PCNX2: variants seen among roughly 807,000 people sequenced by gnomAD.
The protein encoded by PCNX2 is pecanex 2, also known as pecanex-like protein 2.
A neutral mutation model predicts 223.8 loss-of-function variants in PCNX2; 168 were observed. That is an observed-to-expected ratio of 0.75 (90% CI 0.66 to 0.85). The LOEUF (loss-of-function observed/expected upper bound fraction) is 0.85. Ranked by LOEUF, PCNX2 falls within the 40% of genes least tolerant of loss-of-function variation. PCNX2 has a pLI of 0.00. For synonymous variants in PCNX2, 1,006 were observed against 1,052.6 expected (o/e 0.96, Z 0.86); for missense variants, 2,507 against 2,675.5 (o/e 0.94, Z 1.39).
chr1:233,296,831 G>A (rs1454386046), upstream of PCNX2, among the ~76,000 whole-genome samples: 1 of 152,182 alleles, frequency 6.6e-6, no homozygotes, highest in Non-Finnish European at 1.5e-5. Context: ...CCCAGTAAAG[G>A]CACACCAGCC....
Position 232,990,572 on chromosome 1 carries a change from T to C in PCNX2, c.5792-4032A>G, listed in dbSNP as rs1371633623. On this transcript the variant is annotated intron_variant, in intron 32 of 33. Transcript: ENST00000258229. The surrounding 1 kb of genome is among the most constrained non-coding windows in gnomAD (Gnocchi z 4.3). ...CCCTCGCCCTCTAGGGAAGCTGTAG[T>C]GTAAGTGGCTGAGGCCAGGAGGGGT... is the stretch of plus-strand genomic sequence containing the variant. Among the ~76,000 whole-genome samples the C allele has an allele frequency of 6.6e-6, 1 of 152,102 alleles. No individual in the cohort carries two copies. Among genetic ancestry groups the C allele is most frequent in the African/African-American group, 2.4e-5 (1 of 41,416 alleles).
At chr1:233,189,612 TTAA>T (rs1680304811) in intron 15 of PCNX2, among the ~76,000 whole-genome samples, 1 of 152,142 alleles carries the variant, frequency 6.6e-6, no homozygotes, top group Non-Finnish European at 1.5e-5. Flanking sequence ...CAATTAGATT[TTAA>T]ACCCTGAGTG....
chr1:232,984,671 C>T (rs1270465303), intron 33 of PCNX2, 194 bp from the exon 34 acceptor site: 1 of 563,348 alleles, frequency 1.8e-6, no homozygotes, highest in Non-Finnish European at 3.0e-6. Flanking sequence ...GCAACTGAAG[C>T]AGCATCTGAG....
intron 21 of PCNX2, among the ~76,000 whole-genome samples, chr1:233,112,268 C>A (rs1675158777): frequency 6.6e-6 from 1 of 152,178 alleles, no homozygotes; most frequent in Non-Finnish European, 1.5e-5. Context: ...ATGCCTACAG[C>A]CAGCACAGGA....
chr1:232,988,138 G>A (rs141799160), intron 32 of PCNX2, among the ~76,000 whole-genome samples: 337 of 152,362 alleles, frequency 2.2e-3, no homozygotes, highest in African/African-American at 7.9e-3. Context: ...TAAGGAGGGC[G>A]ATTTGTTAGT....
At chr1:233,136,965 G>C (rs769320637) in intron 20 of PCNX2, among the ~76,000 whole-genome samples, 3 of 152,138 alleles carry the variant, frequency 2.0e-5, no homozygotes, top group Non-Finnish European at 2.9e-5. Context: ...TTTATGTTTA[G>C]TAGGGATGAC....
intron 13 of PCNX2, 70 bp from the exon 14 acceptor site, chr1:233,200,334 T>C (rs546917145): frequency 2.8e-6 from 3 of 1,053,460 alleles, no homozygotes; most frequent in East Asian, 2.9e-5. Flanking sequence ...GCTGCAGTGC[T>C]GTCTCTCTCC....
chr1:233,029,848 T>A (rs1302736374), intron 25 of PCNX2, among the ~76,000 whole-genome samples: 1 of 152,216 alleles, frequency 6.6e-6, no homozygotes, highest in Non-Finnish European at 1.5e-5. Context: ...CGATTACAAA[T>A]CTCACATGTG....
intron 8 of PCNX2, among the ~76,000 whole-genome samples, chr1:233,242,368 T>G (rs147393178): frequency 2.9e-4 from 44 of 152,298 alleles, no homozygotes; most frequent in African/African-American, 8.7e-4. Context: ...GCAAACAAAT[T>G]TGCTACAGAA....
intron 28 of PCNX2, among the ~76,000 whole-genome samples, chr1:233,005,021 AG>A (rs558448352): frequency 9.0e-4 from 137 of 152,338 alleles, no homozygotes; most frequent in African/African-American, 3.3e-3. Flanking sequence ...GTCAGGCTGC[AG>A]GTAGGCTGAT....
At chr1:233,033,307 G>C (rs1671334055) in intron 25 of PCNX2, 1 of 627,126 alleles carries the variant, frequency 1.6e-6, no homozygotes, top group Non-Finnish European at 2.0e-6. Flanking sequence ...AGCAAATGAA[G>C]AAATTTAAGT....
At chr1:233,094,045 T>C (rs1470626332) in intron 22 of PCNX2, among the ~76,000 whole-genome samples, 1 of 152,168 alleles carries the variant, frequency 6.6e-6, no homozygotes, top group African/African-American at 2.4e-5. Context: ...AAATTATGGT[T>C]CCCACAACAG....
At chr1:233,137,311 TGA>T (rs1238920454) in intron 20 of PCNX2, among the ~76,000 whole-genome samples, 3 of 151,260 alleles carry the variant, frequency 2.0e-5, no homozygotes, top group Non-Finnish European at 4.4e-5. Context: ...AGTGTGGGTG[TGA>T]GTGTGTTCTG....
At chr1:233,069,354 T>C (rs1672750542) in intron 23 of PCNX2, among the ~76,000 whole-genome samples, 1 of 152,052 alleles carries the variant, frequency 6.6e-6, no homozygotes, top group African/African-American at 2.4e-5. Context: ...CTATCAACCA[T>C]CATTACCTAT....
chr1:233,242,038 G>T (rs941563698), intron 8 of PCNX2, among the ~76,000 whole-genome samples: 3 of 152,138 alleles, frequency 2.0e-5, no homozygotes, highest in Non-Finnish European at 4.4e-5. Flanking sequence ...AAGAGGTTTT[G>T]TTGAGATAAG....
At chr1:233,016,073 G>T (rs567526829) in intron 27 of PCNX2, among the ~76,000 whole-genome samples, 1 of 152,196 alleles carries the variant, frequency 6.6e-6, no homozygotes, top group Non-Finnish European at 1.5e-5. Flanking sequence ...GCTGAAAGAG[G>T]CCTGGCATGA....
chr1:232,990,697 C>T lies in PCNX2; in HGVS notation c.5792-4157G>A, dbSNP rs771066029. Among the ~76,000 whole-genome samples, 7 of 152,182 alleles carry T rather than the reference C, an allele frequency of 4.6e-5. No homozygotes were observed. The highest frequency in any genetic ancestry group is 9.7e-5 in the African/African-American group (4 of 41,442). On this transcript the variant is annotated intron_variant, in intron 32 of 33. Coordinates refer to ENST00000258229, the MANE Select transcript of PCNX2 (RefSeq NM_014801.4). The surrounding 1 kb of genome is among the most constrained non-coding windows in gnomAD (Gnocchi z 4.3). ...GGTTTCCCTTGGTGGCCCCTGCAGC[C>T]GTCTCTGTCCCCACAGGGCCAGGAA...
intron 15 of PCNX2, among the ~76,000 whole-genome samples, chr1:233,193,428 C>G (rs996528439): frequency 6.6e-6 from 1 of 152,092 alleles, no homozygotes; most frequent in Admixed American, 6.6e-5. Flanking sequence ...CTCCAGAAAA[C>G]TTAAGAGAAC....
intron 10 of PCNX2, among the ~76,000 whole-genome samples, chr1:233,219,693 T>A (rs188395728): frequency 6.6e-6 from 1 of 152,108 alleles, no homozygotes; most frequent in Non-Finnish European, 1.5e-5. Context: ...GAGGGGAAAG[T>A]ACAGAGTTCC....
Sources: gnomAD v4.1 joint callset for allele counts (sites outside exome capture counted in the v4.1 genomes callset) on GRCh38, gnomAD v4.1.1 for gene constraint, Gnocchi (gnomAD v3.1) non-coding constraint, MANE v1.5 for transcripts, NCBI Gene and HGNC (gene_info 2026-07-23, HGNC 2026-07-21) for gene names.